Variants in FAM222A observed in about 807,000 individuals in gnomAD.
FAM222A encodes the protein family with sequence similarity 222 member A, also known as protein FAM222A.
FAM222A carries 7 observed loss-of-function variants against 25.8 expected under a neutral mutation model. The ratio of observed to expected loss-of-function variants is 0.27; its 90% CI spans 0.15 to 0.51. The LOEUF is 0.51. Ranked by LOEUF, FAM222A falls within the 20% of genes least tolerant of loss-of-function variation. The probability of loss-of-function intolerance (pLI) is 0.97; values close to 1 mark genes in which losing one functional copy is unlikely to be tolerated. For synonymous variants in FAM222A, 294 were observed against 298.8 expected (o/e 0.98, Z 0.17); for missense variants, 573 against 640.5 (o/e 0.89, Z 1.14).
rs1889151690 is a variant in FAM222A, at chr12:109,768,867, C to T, written c.938C>T (p.Pro313Leu). 1 of 1,583,770 alleles carries T rather than the reference C, an allele frequency of 6.3e-7. No homozygotes were observed. Among genetic ancestry groups the T allele is most frequent in the Non-Finnish European group, 8.5e-7 (1 of 1,172,038 alleles). Reference protein sequence around the residue: ...YSGSTVASKSPEACGGRAYER... With the variant: ...YSGSTVASKSLEACGGRAYER... ...GGGAGCACGGTGGCCAGCAAGTCCC[C>T]TGAGGCTTGCGGGGGCCGGGCATAC... The change falls in exon 3 of 3, where the codon CCT becomes CTT. Residue 313 changes from proline (P) to leucine (L), a missense_variant. By Grantham distance (98) the Pro-to-Leu change is moderately conservative. Transcript: ENST00000538780.
At chr12:109,728,101 C>T (rs1218127281) in intron 1 of FAM222A, among the ~76,000 whole-genome samples, 1 of 152,194 alleles carries the variant, frequency 6.6e-6, no homozygotes, top group Non-Finnish European at 1.5e-5. Flanking sequence ...AGCTTGGTAC[C>T]TAAGCACACT....
intron 2 of FAM222A, among the ~76,000 whole-genome samples, chr12:109,748,146 C>T (rs766898308): frequency 1.6e-4 from 24 of 152,058 alleles, no homozygotes; most frequent in Admixed American, 7.2e-4. Flanking sequence ...TTTTTCCCAT[C>T]GGTGAGTTAA....
At chr12:109,726,863 T>C (rs1210253252) in intron 1 of FAM222A, among the ~76,000 whole-genome samples, 2 of 152,146 alleles carry the variant, frequency 1.3e-5, no homozygotes. Context: ...TGCACCTGGC[T>C]CTGAGGTGCT....
chr12:109,752,730 C>T (rs545534739), intron 2 of FAM222A, among the ~76,000 whole-genome samples: 5 of 152,262 alleles, frequency 3.3e-5, no homozygotes, highest in South Asian at 4.2e-4. Context: ...TTTAGGGGGA[C>T]GAGGTGGTCC....
intron 2 of FAM222A, among the ~76,000 whole-genome samples, chr12:109,765,401 C>T (rs541237962): frequency 1.3e-4 from 20 of 152,210 alleles, no homozygotes; most frequent in African/African-American, 3.6e-4. Context: ...GAGGCCCTCC[C>T]GGCCGGCCAC....
intron 2 of FAM222A, chr12:109,744,564 T>G: frequency 2.0e-6 from 2 of 985,356 alleles, no homozygotes; most frequent in Non-Finnish European, 2.4e-6. Flanking sequence ...ACCATTAAAG[T>G]AGGATGACGT....
In FAM222A at chr12:109,768,293, G is replaced by A. The variant is rs148635365; in HGVS notation, c.364G>A (p.Ala122Thr). 3.2e-5 allele frequency: 52 copies of A among 1,606,096 alleles called. No homozygotes were observed. The highest frequency in any genetic ancestry group is 4.4e-5 in the South Asian group (4 of 90,170). Residue 122 changes from alanine to threonine, a missense_variant, in exon 3 of 3, where the codon GCC becomes ACC. Around this residue, in one of 3 missense-constraint regions of FAM222A, gnomAD observed 412 missense variants for 407.0 expected, o/e 1.01. Coordinates refer to ENST00000538780, the MANE Select transcript of FAM222A (RefSeq NM_032829.3). ...CAGCACGGCCGCACCAGCTGGGCCC[G>A]CCAAAAGTGTGCTCAAGAGCGCCGA... ...SSSTAAPAGP[A>T]KSVLKSAEGK...
chr12:109,748,330 C>CTTTTT (rs1410740242), intron 2 of FAM222A, among the ~76,000 whole-genome samples: 1 of 40,444 alleles, frequency 2.5e-5, no homozygotes, highest in Non-Finnish European at 5.2e-5. Flanking sequence ...CTTTGGTTTT[C>CTTTTT]TTTCTTTTTT....
At chr12:109,715,470 T>G (rs2136312332) in intron 1 of FAM222A, among the ~76,000 whole-genome samples, 1 of 152,176 alleles carries the variant, frequency 6.6e-6, no homozygotes, top group East Asian at 1.9e-4. Context: ...GCCTCTGATG[T>G]CACTGGGGTT....
intron 2 of FAM222A, among the ~76,000 whole-genome samples, chr12:109,756,821 T>A (rs1888746054): frequency 1.3e-5 from 2 of 152,216 alleles, no homozygotes; most frequent in African/African-American, 4.8e-5. Flanking sequence ...GTGTGTAATA[T>A]CTTTGTCTGG....
Position 109,769,324 on chromosome 12 carries a change from GCGCAGAGCCGGGAGGCAGGC to G in FAM222A, c.*43_*62del, listed in dbSNP as rs779790772. Reference sequence around the variant, plus strand: ...GCGGACATACGGACATGCGGACAGGGCGCAGAGCCGGGAGGCAGGCCGCAGAACAGGGTGGGCGGCTCGCA... The same window carrying G: ...GCGGACATACGGACATGCGGACAGGGCGCAGAACAGGGTGGGCGGCTCGCA... On this transcript the variant is annotated 3_prime_UTR_variant, in exon 3 of 3. Coordinates refer to ENST00000538780, the MANE Select transcript of FAM222A (RefSeq NM_032829.3). 1.3e-6 allele frequency: 2 copies of G among 1,546,846 alleles called. No individual in the cohort carries two copies. Among genetic ancestry groups the G allele is most frequent in the South Asian group, 1.2e-5 (1 of 81,752 alleles).
chr12:109,740,809 G>C (rs547402374), intron 1 of FAM222A, among the ~76,000 whole-genome samples: 1 of 152,218 alleles, frequency 6.6e-6, no homozygotes, highest in African/African-American at 2.4e-5. Context: ...CCAGCGGAGG[G>C]AGAGAGATGT....
At chr12:109,756,225 C>A (rs1888722470) in intron 2 of FAM222A, among the ~76,000 whole-genome samples, 5 of 152,104 alleles carry the variant, frequency 3.3e-5, no homozygotes, top group African/African-American at 1.2e-4. Flanking sequence ...AATTTTTGGA[C>A]TCATTGTGAA....
At chr12:109,735,376 G>A (rs372623414) in intron 1 of FAM222A, among the ~76,000 whole-genome samples, 2 of 152,184 alleles carry the variant, frequency 1.3e-5, no homozygotes, top group African/African-American at 2.4e-5. Flanking sequence ...TCTTTCTCCC[G>A]GTTGTGGCGT....
chr12:109,769,030 G>A lies in FAM222A; in HGVS notation c.1101G>A (p.Val367=), dbSNP rs545034881. The A allele has an allele frequency of 2.5e-6, 4 of 1,583,660 alleles. No individual in the cohort carries two copies. The highest frequency in any genetic ancestry group is 3.4e-6 in the Non-Finnish European group (4 of 1,166,628). ...TSDCYNPAAA[V]VVTELGPGAA... The stretch of plus-strand genomic sequence containing the variant: ...ACTGCTACAACCCAGCGGCGGCGGT[G>A]GTGGTCACGGAGCTGGGGCCGGGGG... Residue 367 remains valine (V), a synonymous_variant, in exon 3 of 3, where the codon GTG becomes GTA. Transcript: ENST00000538780.
intron 1 of FAM222A, among the ~76,000 whole-genome samples, chr12:109,728,525 A>G (rs1367491202): frequency 6.6e-6 from 1 of 151,818 alleles, no homozygotes; most frequent in Admixed American, 6.5e-5. Flanking sequence ...GGCCTCCTGC[A>G]GCATATTCCA....
chr12:109,744,196 C>G lies in FAM222A; in HGVS notation c.50C>G (p.Ala17Gly). 1 of 1,613,410 alleles carries G rather than the reference C, an allele frequency of 6.2e-7. No individual in the cohort carries two copies. Among genetic ancestry groups the G allele is most frequent in the Non-Finnish European group, 8.5e-7 (1 of 1,180,008 alleles). Residue 17 changes from alanine (A) to glycine (G), a missense_variant, in exon 2 of 3, where the codon GCC becomes GGC. Ala to Gly is a moderately conservative substitution (Grantham distance 60, BLOSUM62 0). Around this residue, in one of 3 missense-constraint regions of FAM222A, gnomAD observed 112 missense variants for 154.6 expected, o/e 0.72. Transcript: ENST00000538780. ...RTQNAPGQHL[A>G]CPSKSLELRK... ...CAGAACGCCCCGGGCCAACACCTGG[C>G]CTGCCCGAGCAAGAGCCTGGAGCTG...
At chr12:109,743,319 C>T (rs1287654067) in intron 1 of FAM222A, among the ~76,000 whole-genome samples, 1 of 152,180 alleles carries the variant, frequency 6.6e-6, no homozygotes, top group East Asian at 1.9e-4. Flanking sequence ...TTTGGGGAAG[C>T]TGAAGGCAAG....
At chr12:109,729,646 G>T (rs915808249) in intron 1 of FAM222A, among the ~76,000 whole-genome samples, 1 of 152,234 alleles carries the variant, frequency 6.6e-6, no homozygotes, top group Non-Finnish European at 1.5e-5. Flanking sequence ...ACAGACGCGC[G>T]CACGCATGCA....
Sources: gnomAD v4.1 joint callset for allele counts (sites outside exome capture counted in the v4.1 genomes callset) on GRCh38, gnomAD v4.1.1 for gene constraint, gnomAD v4.1.1 regional missense constraint, MANE v1.5 for transcripts, NCBI Gene and HGNC (gene_info 2026-07-23, HGNC 2026-07-21) for gene names.